The following DCP1B variants were observed in gnomAD, a reference collection of about 807,000 sequenced individuals.
DCP1B encodes mRNA-decapping enzyme 1B.
Under a neutral mutation model 60.5 loss-of-function variants are expected in DCP1B, and 47 were observed. That is an observed-to-expected ratio of 0.78 (90% CI 0.61 to 0.99). DCP1B has a LOEUF of 0.99. DCP1B is among the 50% of genes least tolerant of loss of function. The probability of loss-of-function intolerance (pLI) is 0.00; values close to 1 mark genes in which losing one functional copy is unlikely to be tolerated. For missense variants in DCP1B, 725 were observed against 756.8 expected (o/e 0.96, Z 0.49); for synonymous variants, 267 against 280.3 (o/e 0.95, Z 0.47).
intron 1 of DCP1B, among the ~76,000 whole-genome samples, chr12:2,000,337 G>A (rs1315668507): frequency 1.3e-5 from 2 of 152,142 alleles, no homozygotes; most frequent in South Asian, 2.1e-4. Context: ...TGGTCTTCCA[G>A]TATCTGACCT....
intron 8 of DCP1B, 82 bp from the exon 9 acceptor site, chr12:1,946,368 G>T: frequency 3.7e-6 from 4 of 1,072,180 alleles, no homozygotes; most frequent in Non-Finnish European, 5.3e-6. Flanking sequence ...GAGCTGAACT[G>T]GCCTTTGGAT....
intron 5 of DCP1B, among the ~76,000 whole-genome samples, chr12:1,963,280 T>C (rs1260659004): frequency 1.2e-4 from 19 of 152,178 alleles, no homozygotes; most frequent in Admixed American, 1.2e-3. Context: ...ACTGCCTGAG[T>C]CAATTATTTT....
At chr12:1,950,050 T>A (rs1330376494) in intron 7 of DCP1B, 2 of 454,788 alleles carry the variant, frequency 4.4e-6, no homozygotes, top group African/African-American at 3.9e-5. Context: ...TCTGACTGAC[T>A]CCTACAGCTA....
chr12:1,953,156 C>CTTG lies in DCP1B; in HGVS notation c.781_783dup (p.Gln261dup), dbSNP rs2154456623. The CTTG allele has an allele frequency of 6.4e-7, 1 of 1,562,312 alleles. No homozygotes were observed. Among genetic ancestry groups the CTTG allele is most frequent in the South Asian group, 1.1e-5 (1 of 89,332 alleles). On this transcript the variant is annotated inframe_insertion, in exon 7 of 9. Coordinates refer to ENST00000280665, the MANE Select transcript of DCP1B (RefSeq NM_152640.5). ...ACCCCCTGCCTAATTGGAAGCTTCT[C>CTTG]TTGCTGCTGCTGCTGCTGCTGCTGC...
intron 5 of DCP1B, among the ~76,000 whole-genome samples, chr12:1,959,625 T>C (rs1466162271): frequency 7.2e-5 from 11 of 152,186 alleles, no homozygotes; most frequent in Non-Finnish European, 1.6e-4. Context: ...AATCCTTGTA[T>C]ACTGTTGGTG....
chr12:1,949,315 A>C lies in DCP1B; in HGVS notation c.1544T>G (p.Ile515Ser). The C allele has an allele frequency of 6.2e-7, 1 of 1,614,018 alleles. No individual in the cohort carries two copies. The highest frequency in any genetic ancestry group is 8.5e-7 in the Non-Finnish European group (1 of 1,180,020). Residue 515 changes from isoleucine to serine, a missense_variant, in exon 8 of 9, where the codon ATC (isoleucine) becomes AGC (serine). Coordinates refer to ENST00000280665, the MANE Select transcript of DCP1B (RefSeq NM_152640.5). The stretch of plus-strand genomic sequence containing the variant: ...CAGAGACGGAGCTGCTGTAGCAGGG[A>C]TGCGCTGAGGTGAGATGACCTGCTC... ...PLFQVISPQR[I>S]PATAAPSLLM...
intron 3 of DCP1B, among the ~76,000 whole-genome samples, chr12:1,970,302 A>G (rs117070079): frequency 0.011 from 1,682 of 152,274 alleles, 12 homozygotes; most frequent in Non-Finnish European, 0.018. Context: ...TTAGGACCCA[A>G]CCATTTATCT....
intron 3 of DCP1B, chr12:1,991,000 G>C (rs898777658): frequency 1.3e-5 from 5 of 371,218 alleles, no homozygotes; most frequent in African/African-American, 8.9e-5. Flanking sequence ...AAAAAAAAAG[G>C]CAAAATGAAT....
intron 5 of DCP1B, chr12:1,961,386 C>G (rs953235625): frequency 6.6e-6 from 1 of 152,196 alleles, no homozygotes; most frequent in African/African-American, 2.4e-5. Context: ...CACTGTATCA[C>G]AACATCTGGC....
intron 3 of DCP1B, among the ~76,000 whole-genome samples, chr12:1,981,859 G>A (rs946841931): frequency 6.6e-6 from 1 of 152,150 alleles, no homozygotes; most frequent in Non-Finnish European, 1.5e-5. Flanking sequence ...ATGAGGGAGA[G>A]AATTTAAGGA....
At chr12:1,997,069 T>C (rs1173232024) in intron 2 of DCP1B, among the ~76,000 whole-genome samples, 1 of 152,136 alleles carries the variant, frequency 6.6e-6, no homozygotes, top group Non-Finnish European at 1.5e-5. Flanking sequence ...AATGTATGTC[T>C]CTATATGCAC....
intron 5 of DCP1B, among the ~76,000 whole-genome samples, chr12:1,956,030 C>T (rs79285132): frequency 0.018 from 2,730 of 152,280 alleles, 79 homozygotes; most frequent in African/African-American, 0.06. Flanking sequence ...AACCAAAAAG[C>T]TGACTCAAAC....
rs1201227598 is a variant in DCP1B at position 1,948,339 on chromosome 12, C to T, written c.1773+747G>A. Reference sequence around the variant, plus strand: ...GGGGCCAGGCTGGGTGCATCCCAGCCCTGCTTATGTACGAGCTCCGTGCCT... The same window carrying T: ...GGGGCCAGGCTGGGTGCATCCCAGCTCTGCTTATGTACGAGCTCCGTGCCT... On this transcript the variant is annotated intron_variant, in intron 8 of 8. Transcript: ENST00000280665. The surrounding 1 kb of genome is among the most constrained non-coding windows in gnomAD (Gnocchi z 4.8). Among the ~76,000 whole-genome samples the T allele has an allele frequency of 1.3e-5, 2 of 152,232 alleles. No homozygotes were observed. Among genetic ancestry groups the T allele is most frequent in the East Asian group, 3.9e-4 (2 of 5,160 alleles).
In DCP1B at chr12:1,950,112, A is replaced by G. The variant is rs942598757; in HGVS notation, c.1525-778T>C. Reference sequence around the variant, plus strand: ...AAAGAATGTTATTTATCAGCCTCCGAACTCCCCGAAAGAACTCCTAAGAGG... The same window carrying G: ...AAAGAATGTTATTTATCAGCCTCCGGACTCCCCGAAAGAACTCCTAAGAGG... On this transcript the variant is annotated intron_variant, in intron 7 of 8. Transcript: ENST00000280665. 3 of 533,810 alleles carry G rather than the reference A, an allele frequency of 5.6e-6. No individual in the cohort carries two copies. The Admixed American group carries it at 9.2e-5, about 16-fold the overall frequency. The allele number at this position is 533,810 out of a possible 1,614,324, so 33.1% of individuals were successfully genotyped here. A position where few individuals can be genotyped will look rare whatever the true frequency, so the allele number is the denominator to read the frequency against.
At chr12:1,986,080 TG>T (rs2037666811) in intron 3 of DCP1B, among the ~76,000 whole-genome samples, 1 of 152,258 alleles carries the variant, frequency 6.6e-6, no homozygotes, top group African/African-American at 2.4e-5. Flanking sequence ...CCCAAAGTGC[TG>T]GGATTACAGG....
At chr12:1,992,047 C>A in intron 3 of DCP1B, 1 of 357,772 alleles carries the variant, frequency 2.8e-6, no homozygotes, top group Non-Finnish European at 5.9e-6. Context: ...TTCAAACTGG[C>A]ATTTCTGTAG....
intron 7 of DCP1B, among the ~76,000 whole-genome samples, chr12:1,950,588 C>A (rs971039130): frequency 1.3e-5 from 2 of 152,182 alleles, no homozygotes; most frequent in African/African-American, 4.8e-5. Context: ...AATGAGAACA[C>A]TTTGACTCAG....
chr12:1,955,610 T>G (rs1252832670), intron 5 of DCP1B, 50 bp from the exon 6 acceptor site: 1 of 1,568,618 alleles, frequency 6.4e-7, no homozygotes, highest in African/African-American at 1.4e-5. Flanking sequence ...AAAGCTTTAG[T>G]CTTTTTAAAA....
chr12:1,989,432 G>A (rs1168185301), intron 3 of DCP1B, among the ~76,000 whole-genome samples: 1 of 151,944 alleles, frequency 6.6e-6, no homozygotes, highest in Admixed American at 6.6e-5. Context: ...GAAAGGAAAG[G>A]GGCTGGGCGT....
Sources: gnomAD v4.1 joint callset for allele counts (sites outside exome capture counted in the v4.1 genomes callset) on GRCh38, gnomAD v4.1.1 for gene constraint, Gnocchi (gnomAD v3.1) non-coding constraint, MANE v1.5 for transcripts, NCBI Gene and HGNC (gene_info 2026-07-23, HGNC 2026-07-21) for gene names.